Variants in PALLD observed in about 807,000 individuals in gnomAD.
PALLD encodes palladin, cytoskeletal associated protein.
PALLD carries 61 observed loss-of-function variants against 123.5 expected under a neutral mutation model. That is an observed-to-expected ratio of 0.49 (90% CI 0.40 to 0.61). PALLD has a LOEUF of 0.61. PALLD is among the 20% of genes least tolerant of loss of function. PALLD has a pLI of 0.00. For synonymous variants in PALLD, 465 were observed against 496.4 expected (o/e 0.94, Z 0.84); for missense variants, 1,273 against 1,377.0 (o/e 0.92, Z 1.20).
chr4:168,714,668 A>C (rs544083040), intron 10 of PALLD, among the ~76,000 whole-genome samples: 1 of 152,232 alleles, frequency 6.6e-6, no homozygotes, highest in Non-Finnish European at 1.5e-5. Flanking sequence ...ATTTTCTTTC[A>C]CAAAAGGAAA....
intron 2 of PALLD, among the ~76,000 whole-genome samples, chr4:168,597,309 A>G (rs536177144): frequency 3.9e-5 from 6 of 152,134 alleles, no homozygotes; most frequent in African/African-American, 1.2e-4. Flanking sequence ...AGGCACTCTC[A>G]TAAATTCAGG....
At chr4:168,544,174 T>C (rs1286195522) in intron 2 of PALLD, among the ~76,000 whole-genome samples, 1 of 152,266 alleles carries the variant, frequency 6.6e-6, no homozygotes, top group Non-Finnish European at 1.5e-5. Flanking sequence ...CTGTTTATAC[T>C]TTCTCTCACT....
intron 10 of PALLD, among the ~76,000 whole-genome samples, chr4:168,713,062 A>T (rs538233583): frequency 6.6e-6 from 1 of 152,364 alleles, no homozygotes; most frequent in East Asian, 1.9e-4. Flanking sequence ...GCTAACAATT[A>T]TATAAAACCA....
intron 2 of PALLD, among the ~76,000 whole-genome samples, chr4:168,603,260 C>T (rs780726659): frequency 6.6e-6 from 1 of 152,152 alleles, no homozygotes; most frequent in Non-Finnish European, 1.5e-5. Context: ...CTTAAATATT[C>T]TTGATCTAAG....
In PALLD at chr4:168,790,659, C is replaced by G. The variant is rs1020858354; in HGVS notation, c.1964+78736C>G. On this transcript the variant is annotated intron_variant, in intron 10 of 21. Transcript: ENST00000505667. ...CTGATGTTCTGTTCTATGCTGTTGT[C>G]CTCTATGTCTTCACTTTAGCCAGTG... is the stretch of plus-strand genomic sequence containing the variant. 7.4e-4 allele frequency among the ~76,000 whole-genome samples: 113 copies of G among 152,174 alleles called. 1 individual carries two copies. Among genetic ancestry groups the G allele is most frequent in the African/African-American group, 2.6e-3 (109 of 41,524 alleles).
chr4:168,567,871 C>G (rs1768570899), intron 2 of PALLD, among the ~76,000 whole-genome samples: 2 of 151,730 alleles, frequency 1.3e-5, no homozygotes, highest in Non-Finnish European at 2.9e-5. Context: ...GATGGGTATA[C>G]TAAAAGCCAA....
intron 2 of PALLD, among the ~76,000 whole-genome samples, chr4:168,622,823 G>A (rs188984876): frequency 1.3e-5 from 2 of 152,344 alleles, no homozygotes; most frequent in East Asian, 3.9e-4. Context: ...TCCAGAGGAA[G>A]GGGACACTGG....
intron 10 of PALLD, among the ~76,000 whole-genome samples, chr4:168,731,312 A>C (rs970092780): frequency 6.6e-6 from 1 of 152,232 alleles, no homozygotes; most frequent in Admixed American, 6.5e-5. Context: ...ATGTCAATTT[A>C]TGAGACTTCA....
At chr4:168,888,959 A>G (rs1753749932) in intron 10 of PALLD, among the ~76,000 whole-genome samples, 1 of 152,124 alleles carries the variant, frequency 6.6e-6, no homozygotes, top group Non-Finnish European at 1.5e-5. Flanking sequence ...CAGGATCCTC[A>G]GAGTTTCTGC....
intron 14 of PALLD, among the ~76,000 whole-genome samples, chr4:168,899,269 T>C (rs931858798): frequency 2.6e-5 from 4 of 152,142 alleles, no homozygotes; most frequent in African/African-American, 9.7e-5. Context: ...GCTCTCTCCA[T>C]ACAAACATAT....
intron 10 of PALLD, among the ~76,000 whole-genome samples, chr4:168,801,721 G>A (rs1288458632): frequency 2.0e-5 from 3 of 152,216 alleles, no homozygotes; most frequent in Non-Finnish European, 2.9e-5. Flanking sequence ...AATTAAAGGG[G>A]TTAAGATGTC....
chr4:168,782,848 G>A (rs1736115729), intron 10 of PALLD, among the ~76,000 whole-genome samples: 1 of 152,084 alleles, frequency 6.6e-6, no homozygotes, highest in Admixed American at 6.5e-5. Flanking sequence ...CTGGGAGGTG[G>A]AGGTTGCAGT....
intron 10 of PALLD, among the ~76,000 whole-genome samples, chr4:168,717,593 C>T (rs1785484071): frequency 6.6e-6 from 1 of 152,148 alleles, no homozygotes; most frequent in South Asian, 2.1e-4. Flanking sequence ...TCAGGTGATG[C>T]ACCCACCTCG....
intron 10 of PALLD, among the ~76,000 whole-genome samples, chr4:168,856,732 G>A (rs1403151802): frequency 1.3e-5 from 2 of 152,184 alleles, no homozygotes; most frequent in African/African-American, 4.8e-5. Flanking sequence ...GTAAATAATA[G>A]AGTCTAAAAT....
At chr4:168,729,938 G>C (rs1786991163) in intron 10 of PALLD, among the ~76,000 whole-genome samples, 1 of 152,098 alleles carries the variant, frequency 6.6e-6, no homozygotes, top group African/African-American at 2.4e-5. Context: ...TGCCAATCTG[G>C]TTTCTAATCC....
intron 2 of PALLD, among the ~76,000 whole-genome samples, chr4:168,552,098 A>T (rs1018046196): frequency 6.6e-6 from 1 of 152,184 alleles, no homozygotes; most frequent in Admixed American, 6.5e-5. Context: ...TCATTGGCCC[A>T]ATTTAAAGAT....
intron 10 of PALLD, among the ~76,000 whole-genome samples, chr4:168,849,915 A>G (rs571712040): frequency 2.0e-4 from 30 of 152,304 alleles, no homozygotes; most frequent in Non-Finnish European, 4.3e-4. Flanking sequence ...CTCCATTAAA[A>G]GAGATGCCAG....
chr4:168,861,291 A>AAG (rs879787647), intron 10 of PALLD, among the ~76,000 whole-genome samples: 1 of 151,432 alleles, frequency 6.6e-6, no homozygotes, highest in East Asian at 1.9e-4. Context: ...AAAAAAAAAA[A>AAG]CTAAGTAAAA....
intron 12 of PALLD, among the ~76,000 whole-genome samples, chr4:168,896,096 G>A (rs1420319804): frequency 6.6e-6 from 1 of 152,096 alleles, no homozygotes; most frequent in Non-Finnish European, 1.5e-5. Context: ...TGTAGTCCCA[G>A]CTACGCGGGA....
Sources: gnomAD v4.1 joint callset for allele counts (sites outside exome capture counted in the v4.1 genomes callset) on GRCh38, gnomAD v4.1.1 for gene constraint, MANE v1.5 for transcripts, NCBI Gene and HGNC (gene_info 2026-07-23, HGNC 2026-07-21) for gene names.